Variants in SLC6A15 observed in about 807,000 individuals in gnomAD.
SLC6A15 encodes sodium-dependent neutral amino acid transporter B(0)AT2.
A neutral mutation model predicts 68.5 loss-of-function variants in SLC6A15; 33 were observed. The observed-to-expected ratio is 0.48, with a 90% CI of 0.37 to 0.64. The LOEUF (loss-of-function observed/expected upper bound fraction) is 0.64. Among genes scored for constraint, SLC6A15 ranks in the 30% least tolerant of loss-of-function variants. SLC6A15 has a pLI of 0.00. For synonymous variants in SLC6A15, 347 were observed against 301.0 expected (o/e 1.15, Z -1.58); for missense variants, 747 against 874.3 (o/e 0.85, Z 1.84).
intron 1 of SLC6A15, among the ~76,000 whole-genome samples, chr12:84,909,559 C>A (rs1302011100): frequency 6.6e-6 from 1 of 152,112 alleles, no homozygotes; most frequent in Non-Finnish European, 1.5e-5. Context: ...TGCTATGTAA[C>A]CTTGAATGTT....
chr12:84,863,272 T>C (rs1366470118), intron 11 of SLC6A15, among the ~76,000 whole-genome samples, 167 bp downstream of exon 11: 1 of 140,240 alleles, frequency 7.1e-6, no homozygotes, highest in African/African-American at 2.8e-5. Flanking sequence ...ATTTAAAAAA[T>C]CACATATGCT....
In SLC6A15 at chr12:84,906,854, A is replaced by G. The variant is rs114900555; in HGVS notation, c.-189+5669T>C. Among the ~76,000 whole-genome samples the G allele has an allele frequency of 7.4e-3, 1,121 of 152,260 alleles. 13 individuals carry two copies. Among genetic ancestry groups the G allele is most frequent in the African/African-American group, 0.026 (1,065 of 41,546 alleles). On this transcript the variant is annotated intron_variant, in intron 1 of 11. Transcript: ENST00000266682. ...CAAGTCATCAGATTAAATCTTTGAG[A>G]TCTAGGGTTAACCAAAGAGCTCTTA...
At chr12:84,877,539 C>G (rs2167621) in intron 5 of SLC6A15, among the ~76,000 whole-genome samples, 39,564 of 152,056 alleles carry the variant, frequency 0.26, 5,579 homozygotes, top group Middle Eastern at 0.45. Context: ...TCTGGCCACT[C>G]AGGCCCTTGC....
intron 5 of SLC6A15, chr12:84,881,972 A>T: frequency 2.0e-6 from 2 of 982,650 alleles, no homozygotes; most frequent in Non-Finnish European, 2.4e-6. Context: ...TTCCTGAGGC[A>T]TTCTCATTAA....
intron 5 of SLC6A15, among the ~76,000 whole-genome samples, chr12:84,878,649 AATTTT>A (rs1871671903): frequency 6.6e-6 from 1 of 152,004 alleles, no homozygotes; most frequent in South Asian, 2.1e-4. Context: ...ATTTTGTTTT[AATTTT>A]ATATTTTATC....
intron 1 of SLC6A15, among the ~76,000 whole-genome samples, chr12:84,900,885 GGT>G (rs1255073286): frequency 2.8e-5 from 4 of 145,122 alleles, no homozygotes; most frequent in African/African-American, 7.5e-5. Flanking sequence ...TAGGAAAGTG[GGT>G]GTATATATGT....
chr12:84,897,820 A>G (rs1475459594), intron 1 of SLC6A15, among the ~76,000 whole-genome samples: 1 of 152,168 alleles, frequency 6.6e-6, no homozygotes, highest in Non-Finnish European at 1.5e-5. Context: ...ATTTAGCCAA[A>G]CAGAGAAAAC....
chr12:84,897,795 C>T (rs1341608520), intron 1 of SLC6A15, among the ~76,000 whole-genome samples: 3 of 151,860 alleles, frequency 2.0e-5, no homozygotes, highest in Non-Finnish European at 2.9e-5. Context: ...GAGGGAAAGA[C>T]TACATAATCA....
chr12:84,882,741 T>C (rs1222821062), intron 5 of SLC6A15: 1 of 171,830 alleles, frequency 5.8e-6, no homozygotes, highest in Non-Finnish European at 1.2e-5. Context: ...TTTAAATCTG[T>C]AAAATGGTTC....
intron 10 of SLC6A15, among the ~76,000 whole-genome samples, chr12:84,864,134 A>G (rs529619936): frequency 1.1e-4 from 16 of 151,396 alleles, no homozygotes; most frequent in African/African-American, 3.9e-4. Context: ...AATAATTAGT[A>G]AAAGTAATAA....
At chr12:84,876,317 T>A (rs1444470758) in intron 6 of SLC6A15, among the ~76,000 whole-genome samples, 180 bp downstream of exon 6, 1 of 152,094 alleles carries the variant, frequency 6.6e-6, no homozygotes, top group Non-Finnish European at 1.5e-5. Context: ...AAAATGGAGA[T>A]AAATGGCTAT....
chr12:84,863,061 G>A (rs961766205), intron 11 of SLC6A15, among the ~76,000 whole-genome samples: 1 of 152,062 alleles, frequency 6.6e-6, no homozygotes, highest in African/African-American at 2.4e-5. Flanking sequence ...AAAGTGTTGG[G>A]ATTATAGGTA....
chr12:84,896,378 A>C (rs1872641025), intron 1 of SLC6A15, among the ~76,000 whole-genome samples: 1 of 152,220 alleles, frequency 6.6e-6, no homozygotes, highest in Non-Finnish European at 1.5e-5. Context: ...TTGTAAAAAA[A>C]AAAAAGATTG....
At chr12:84,899,070 A>G (rs941098339) in intron 1 of SLC6A15, among the ~76,000 whole-genome samples, 2 of 152,156 alleles carry the variant, frequency 1.3e-5, no homozygotes, top group Non-Finnish European at 2.9e-5. Flanking sequence ...TGGTTTGCTT[A>G]TAAGTAATCT....
At chr12:84,869,295 T>TA (rs538569219) in intron 9 of SLC6A15, among the ~76,000 whole-genome samples, 59 of 151,388 alleles carry the variant, frequency 3.9e-4, no homozygotes, top group African/African-American at 7.7e-4. Flanking sequence ...CCGTCTCTAT[T>TA]AAAAAAAATA....
intron 1 of SLC6A15, among the ~76,000 whole-genome samples, chr12:84,911,501 C>A (rs898199253): frequency 9.8e-5 from 15 of 152,298 alleles, no homozygotes; most frequent in Admixed American, 5.9e-4. Flanking sequence ...AAAGGGAAAG[C>A]GGGACGCTGG....
intron 9 of SLC6A15, among the ~76,000 whole-genome samples, chr12:84,869,464 CAAAA>C (rs34160834): frequency 1.1e-4 from 7 of 63,202 alleles, no homozygotes; most frequent in African/African-American, 3.0e-4. Context: ...GACTCCGTCT[CAAAA>C]AAAAAAAAAA....
In SLC6A15 at chr12:84,871,043, A is replaced by G. The variant is rs995251674; in HGVS notation, c.1303-373T>C. Reference sequence around the variant, plus strand: ...CATATTATCATAGATATATAAATACAAATATATATATACAACTATTTCTGG... The same window carrying G: ...CATATTATCATAGATATATAAATACGAATATATATATACAACTATTTCTGG... On this transcript the variant is annotated intron_variant, in intron 8 of 11. Transcript: ENST00000266682. Among the ~76,000 whole-genome samples, 7 of 151,966 alleles carry G rather than the reference A, an allele frequency of 4.6e-5. No homozygotes were observed. In the East Asian group the frequency reaches 1.4e-3, roughly 29 times the overall value.
chr12:84,860,486 CTA>C lies in SLC6A15; in HGVS notation c.*1144_*1145del, dbSNP rs1326073523. On this transcript the variant is annotated 3_prime_UTR_variant, in exon 12 of 12. Coordinates refer to ENST00000266682, the MANE Select transcript of SLC6A15 (RefSeq NM_182767.6). ...AAGAACACCATTGAACCATAATACT[CTA>C]TTTTTCCTTAGACTCTGAAGCGGTG... is the stretch of plus-strand genomic sequence containing the variant. 5 of 152,032 alleles carry C rather than the reference CTA, an allele frequency of 3.3e-5. No individual in the cohort carries two copies. 9.4% of individuals were successfully genotyped at this position (152,032 alleles called of 1,614,324 possible).
Sources: allele counts gnomAD v4.1 joint callset (sites outside exome capture counted in the v4.1 genomes callset), GRCh38; gene constraint gnomAD v4.1.1; transcripts MANE v1.5; gene names NCBI Gene and HGNC (gene_info 2026-07-23, HGNC 2026-07-21).